ASNS: variants seen among roughly 807,000 people sequenced by gnomAD.
The protein encoded by ASNS is asparagine synthetase [glutamine-hydrolyzing].
In ASNS, 37 loss-of-function variants were observed where a neutral mutation model predicts 62.6. The ratio of observed to expected loss-of-function variants is 0.59; its 90% CI spans 0.45 to 0.78. The LOEUF (loss-of-function observed/expected upper bound fraction) is 0.78, where lower values mean the gene tolerates loss of function less well. Among genes scored for constraint, ASNS ranks in the 30% least tolerant of loss-of-function variants. The pLI, the probability that ASNS is intolerant of heterozygous loss-of-function variation, is 0.00. For synonymous variants in ASNS, 207 were observed against 237.9 expected, an observed-to-expected ratio of 0.87 and a Z score of 1.19; for missense variants, 520 against 682.4, an observed-to-expected ratio of 0.76 and a Z score of 2.65.
chr7:97,913,654 G>A, the ASNS span, among the ~76,000 whole-genome samples: 128,842 of 151,038 alleles, frequency 0.85, 55,031 homozygotes, highest in East Asian at 0.91. Flanking sequence ...TCTATAACTT[G>A]CCCAAGCAGC....
chr7:97,927,636 G>T, the ASNS span, among the ~76,000 whole-genome samples: 1 of 152,400 alleles, frequency 6.6e-6, no homozygotes, highest in African/African-American at 2.4e-5. Context: ...GGGACTTCAC[G>T]CAATAAAGTT....
the ASNS span, chr7:97,928,035 C>T: frequency 2.6e-6 from 3 of 1,139,734 alleles, no homozygotes; most frequent in South Asian, 1.4e-5. Flanking sequence ...GTCCCCAGCA[C>T]CCCCGCGCTC....
At chr7:97,881,098 G>A in the ASNS span, among the ~76,000 whole-genome samples, 2 of 152,128 alleles carry the variant, frequency 1.3e-5, no homozygotes, top group Non-Finnish European at 2.9e-5. Context: ...GCACCGCCAC[G>A]CCTGGCTAAC....
chr7:97,912,591 T>TG, the ASNS span, among the ~76,000 whole-genome samples: 5 of 79,374 alleles, frequency 6.3e-5, no homozygotes, highest in East Asian at 7.7e-4. Flanking sequence ...TTTTTTTTTT[T>TG]TTCTGTTTTC....
upstream of ASNS, among the ~76,000 whole-genome samples, chr7:97,876,817 C>T (rs1259161291): frequency 6.6e-6 from 1 of 152,128 alleles, no homozygotes; most frequent in East Asian, 1.9e-4. Context: ...GGATCTATCC[C>T]TGAAGGAACA....
In ASNS at chr7:97,871,244, G is replaced by C. The variant is rs544275210; in HGVS notation, c.-60+1107C>G. 7.2e-5 allele frequency among the ~76,000 whole-genome samples: 11 copies of C among 152,334 alleles called. No homozygotes were observed. In the East Asian group the frequency reaches 1.9e-3, roughly 27 times the overall value. ...TCCTACTCCAACGACAAAATCCAGT[G>C]TATTTAACACAATACATCTCAGTTA... On this transcript the variant is annotated intron_variant, in intron 1 of 12. Transcript: ENST00000394308.
At chr7:97,895,410 G>C in the ASNS span, among the ~76,000 whole-genome samples, 1 of 152,166 alleles carries the variant, frequency 6.6e-6, no homozygotes, top group South Asian at 2.1e-4. Flanking sequence ...CATCCAAATG[G>C]ACAAAAGGAG....
the ASNS span, among the ~76,000 whole-genome samples, chr7:97,926,123 G>C: frequency 7.7e-5 from 11 of 143,288 alleles, no homozygotes; most frequent in Non-Finnish European, 1.7e-4. Flanking sequence ...CTGGGGTCCC[G>C]ATTTACCTGC....
chr7:97,877,351 C>T (rs996616126), upstream of ASNS, among the ~76,000 whole-genome samples: 14 of 152,180 alleles, frequency 9.2e-5, no homozygotes, highest in African/African-American at 3.4e-4. Context: ...CCTTAGCCTC[C>T]CAAAGTGTTG....
the ASNS span, chr7:97,928,239 G>A: frequency 7.2e-6 from 11 of 1,528,338 alleles, no homozygotes; most frequent in South Asian, 1.3e-4. Flanking sequence ...CTCCCTCCTG[G>A]GCCGGCCATC....
intron 4 of ASNS, chr7:97,863,400 T>C (rs1485570842): frequency 6.6e-6 from 1 of 152,146 alleles, no homozygotes; most frequent in African/African-American, 2.4e-5. Context: ...TATAATCCCG[T>C]TCATATGAAA....
the ASNS span, among the ~76,000 whole-genome samples, chr7:97,883,632 A>G: frequency 3.3e-5 from 5 of 152,194 alleles, no homozygotes; most frequent in South Asian, 1.0e-3. Flanking sequence ...CGATCACTTC[A>G]GAAGGTGCAT....
chr7:97,872,576 C>T (rs72615155), upstream of ASNS: 19,067 of 152,356 alleles, frequency 0.13, 1,556 homozygotes, highest in Admixed American at 0.26. Flanking sequence ...AGGAGGAGCT[C>T]TTTTGTTTCC....
the ASNS span, among the ~76,000 whole-genome samples, chr7:97,899,470 TG>T: frequency 6.6e-6 from 1 of 152,196 alleles, no homozygotes; most frequent in African/African-American, 2.4e-5. Flanking sequence ...AATTGCAACT[TG>T]GGCTGCTTTT....
At chr7:97,877,075 C>CA (rs1792455338), upstream of ASNS, among the ~76,000 whole-genome samples, 1 of 147,104 alleles carries the variant, frequency 6.8e-6, no homozygotes. Context: ...CATCAATGGT[C>CA]AAAAGTATTC....
the ASNS span, among the ~76,000 whole-genome samples, chr7:97,904,135 A>T: frequency 6.6e-6 from 1 of 152,160 alleles, no homozygotes; most frequent in African/African-American, 2.4e-5. Flanking sequence ...GTCTTTATAG[A>T]CATCCCACAC....
At chr7:97,908,678 A>G in the ASNS span, 4 of 152,336 alleles carry the variant, frequency 2.6e-5, no homozygotes, top group African/African-American at 9.6e-5. Context: ...CTAAGATTAC[A>G]GGCATGAGTC....
chr7:97,869,049 A>G lies in ASNS; in HGVS notation c.108T>C (p.Asn36=), dbSNP rs774253975. 6.2e-6 allele frequency: 10 copies of G among 1,614,218 alleles called. No homozygotes were observed. Among genetic ancestry groups the G allele is most frequent in the Admixed American group, 1.7e-5 (1 of 60,034 alleles). ...AGCAGCAGTTGGTGTATCCATTGACATTCTCAAAACGGAATGCATCTGGAC... is the reference window on the plus strand; with the variant it reads ...AGCAGCAGTTGGTGTATCCATTGACGTTCTCAAAACGGAATGCATCTGGAC... The part of the protein sequence containing the change: ...HRGPDAFRFE[N]VNGYTNCCFG... The change falls in exon 3 of 13, where the codon AAT becomes AAC. Residue 36 remains asparagine, a synonymous_variant. Coordinates refer to ENST00000394308, the MANE Select transcript of ASNS (RefSeq NM_001673.5).
At chr7:97,881,154 C>T in the ASNS span, among the ~76,000 whole-genome samples, 1 of 152,174 alleles carries the variant, frequency 6.6e-6, no homozygotes, top group Non-Finnish European at 1.5e-5. Context: ...GCTGCCCAGG[C>T]AGGTCTCGAA....
Sources: allele counts gnomAD v4.1 joint callset (sites outside exome capture counted in the v4.1 genomes callset), GRCh38; gene constraint gnomAD v4.1.1; transcripts MANE v1.5; gene names NCBI Gene and HGNC (gene_info 2026-07-23, HGNC 2026-07-21).